Variants in CREB1 observed in about 807,000 individuals in gnomAD.
CREB1 encodes the protein cyclic AMP-responsive element-binding protein 1.
In CREB1, 2 loss-of-function variants were observed where a neutral mutation model predicts 42.0. The ratio of observed to expected loss-of-function variants is 0.05; its 90% CI spans 0.02 to 0.15. CREB1 has a LOEUF of 0.15. Among genes scored for constraint, CREB1 ranks in the 10% least tolerant of loss-of-function variants. CREB1 has a pLI of 1.00. For synonymous variants in CREB1, 123 were observed against 139.9 expected (o/e 0.88, Z 0.85); for missense variants, 199 against 388.9 (o/e 0.51, Z 4.11).
At chr2:207,592,578 A>G (rs2085269451) in intron 7 of CREB1, among the ~76,000 whole-genome samples, 1 of 151,628 alleles carries the variant, frequency 6.6e-6, no homozygotes, top group Non-Finnish European at 1.5e-5. Context: ...TCCCCACCAT[A>G]TTTATCTTAT....
chr2:207,551,036 A>G (rs902207706), intron 1 of CREB1, among the ~76,000 whole-genome samples: 7 of 152,192 alleles, frequency 4.6e-5, no homozygotes, highest in African/African-American at 1.7e-4. Context: ...CTTATCAGCC[A>G]CTACTTGCTC....
chr2:207,543,139 C>T (rs1198948165), intron 1 of CREB1, among the ~76,000 whole-genome samples: 1 of 152,160 alleles, frequency 6.6e-6, no homozygotes, highest in Non-Finnish European at 1.5e-5. Context: ...TTATACAGTG[C>T]CTGCCCATCA....
chr2:207,567,232 G>A (rs1027138662), intron 3 of CREB1, among the ~76,000 whole-genome samples: 17 of 151,820 alleles, frequency 1.1e-4, no homozygotes, highest in Non-Finnish European at 1.3e-4. Flanking sequence ...ATTACATGGA[G>A]TCCTGAAAAA....
intron 1 of CREB1, among the ~76,000 whole-genome samples, chr2:207,536,652 A>T (rs1456809488): frequency 6.6e-6 from 1 of 152,150 alleles, no homozygotes; most frequent in Non-Finnish European, 1.5e-5. Flanking sequence ...TTAATGTAAG[A>T]ATATTGTTTT....
intron 1 of CREB1, among the ~76,000 whole-genome samples, chr2:207,539,571 G>C (rs147527607): frequency 6.6e-6 from 1 of 152,126 alleles, no homozygotes; most frequent in Non-Finnish European, 1.5e-5. Context: ...AATGAAGATT[G>C]TTCTAGTTGA....
intron 1 of CREB1, among the ~76,000 whole-genome samples, chr2:207,534,888 G>C (rs2080805743): frequency 1.3e-5 from 2 of 151,936 alleles, no homozygotes; most frequent in South Asian, 4.1e-4. Flanking sequence ...CCCCCTTTTT[G>C]TACAAATGGT....
chr2:207,584,761 T>G (rs1360490913), intron 7 of CREB1, among the ~76,000 whole-genome samples: 1 of 152,220 alleles, frequency 6.6e-6, no homozygotes, highest in Non-Finnish European at 1.5e-5. Flanking sequence ...AAATGTCTAT[T>G]TAGATCTTTT....
intron 2 of CREB1, among the ~76,000 whole-genome samples, chr2:207,556,783 A>G (rs1331134899): frequency 6.6e-6 from 1 of 152,202 alleles, no homozygotes; most frequent in Non-Finnish European, 1.5e-5. Flanking sequence ...TTCCATCAAT[A>G]TAGGGTCAAC....
chr2:207,542,138 A>G (rs969212247), intron 1 of CREB1, among the ~76,000 whole-genome samples: 1 of 152,180 alleles, frequency 6.6e-6, no homozygotes, highest in Non-Finnish European at 1.5e-5. Flanking sequence ...ACATTCATTT[A>G]TGTTGACTTG....
intron 6 of CREB1, chr2:207,576,753 T>A: frequency 9.3e-7 from 1 of 1,079,418 alleles, no homozygotes; most frequent in Admixed American, 4.6e-5. Flanking sequence ...TTGATATTAA[T>A]AATTAATATG....
intron 7 of CREB1, chr2:207,583,025 G>GA (rs2083217994): frequency 6.5e-6 from 1 of 153,026 alleles, no homozygotes; most frequent in Non-Finnish European, 1.5e-5. Flanking sequence ...CCACATTCAA[G>GA]AAAAAAAGTA....
intron 1 of CREB1, among the ~76,000 whole-genome samples, chr2:207,537,198 G>A (rs1041934789): frequency 3.3e-5 from 5 of 151,968 alleles, no homozygotes; most frequent in Non-Finnish European, 5.9e-5. Context: ...GGGATTACAG[G>A]CGCCTGCCAC....
In CREB1 at chr2:207,602,376, CATG is replaced by C. The variant is rs1333290109; in HGVS notation, c.*5321_*5323del. Reference sequence around the variant, plus strand: ...GGGTGCAGGTCCCAGCTGGGTATGACATGATACATTTTTAATTATTCTCACCAG... The same window carrying C: ...GGGTGCAGGTCCCAGCTGGGTATGACATACATTTTTAATTATTCTCACCAG... On this transcript the variant is annotated 3_prime_UTR_variant, in exon 8 of 8. Coordinates refer to ENST00000353267, the MANE Select transcript of CREB1 (RefSeq NM_004379.5). 4.9e-6 allele frequency: 1 copy of C among 202,496 alleles called. No individual in the cohort carries two copies. Among genetic ancestry groups the C allele is most frequent in the African/African-American group, 2.3e-5 (1 of 43,584 alleles). The allele number at this position is 202,496 out of a possible 1,614,324, so 12.5% of individuals were successfully genotyped here.
chr2:207,574,115 TCTTA>T (rs1407143610), intron 5 of CREB1, among the ~76,000 whole-genome samples: 1 of 152,258 alleles, frequency 6.6e-6, no homozygotes, highest in Non-Finnish European at 1.5e-5. Flanking sequence ...CATTAACTCT[TCTTA>T]CTTCTTGATG....
intron 1 of CREB1, among the ~76,000 whole-genome samples, chr2:207,541,616 C>G (rs116546374): frequency 6.6e-6 from 1 of 152,164 alleles, no homozygotes; most frequent in South Asian, 2.1e-4. Flanking sequence ...ATATTACCAT[C>G]AAGTGACACA....
At chr2:207,568,563 A>G (rs1010891936) in intron 4 of CREB1, among the ~76,000 whole-genome samples, 19 of 152,118 alleles carry the variant, frequency 1.2e-4, no homozygotes, top group African/African-American at 3.6e-4. Flanking sequence ...TTTTTTTCCT[A>G]TGTGATTGGA....
rs1415954476 is a variant in CREB1 at position 207,600,444 on chromosome 2, G to C, written c.*3386G>C. 5.1e-6 allele frequency: 1 copy of C among 195,502 alleles called. No homozygotes were observed. The highest frequency in any genetic ancestry group is 1.1e-5 in the Non-Finnish European group (1 of 94,206). 12.1% of individuals were successfully genotyped at this position (195,502 alleles called of 1,614,324 possible). A position where few individuals can be genotyped will look rare whatever the true frequency, so the allele number is the denominator to read the frequency against. The stretch of plus-strand genomic sequence containing the variant: ...ATTTTATCTTCTAATTTTCTTCCAA[G>C]TATTTTATTTTTTATTAGTTTTCTT... On this transcript the variant is annotated 3_prime_UTR_variant, in exon 8 of 8. Transcript: ENST00000353267.
chr2:207,601,051 T>G lies in CREB1; in HGVS notation c.*3993T>G. On this transcript the variant is annotated 3_prime_UTR_variant, in exon 8 of 8. Coordinates refer to ENST00000353267, the MANE Select transcript of CREB1 (RefSeq NM_004379.5). ...CAGGATTAAGTAGGGCTAATGTATC[T>G]TAAAGTTAAGATCTTGAATTAAAGT... The G allele has an allele frequency of 5.2e-6, 1 of 190,706 alleles. No individual in the cohort carries two copies. Among genetic ancestry groups the G allele is most frequent in the Non-Finnish European group, 1.1e-5 (1 of 90,970 alleles). The allele number at this position is 190,706 out of a possible 1,614,324, so 11.8% of individuals were successfully genotyped here.
chr2:207,574,677 C>T (rs2106564516), intron 5 of CREB1, among the ~76,000 whole-genome samples: 1 of 152,138 alleles, frequency 6.6e-6, no homozygotes, highest in Middle Eastern at 3.4e-3. Context: ...TTTTAAAATT[C>T]CATGAGAGAC....
Sources: gnomAD v4.1 joint callset for allele counts (sites outside exome capture counted in the v4.1 genomes callset) on GRCh38, gnomAD v4.1.1 for gene constraint, MANE v1.5 for transcripts, NCBI Gene and HGNC (gene_info 2026-07-23, HGNC 2026-07-21) for gene names.